Variants in GABRB1 observed in about 807,000 individuals in gnomAD.
GABRB1 encodes gamma-aminobutyric acid type A receptor subunit beta1.
GABRB1 carries 17 observed loss-of-function variants against 51.6 expected under a neutral mutation model. The observed-to-expected ratio is 0.33, with a 90% CI of 0.23 to 0.49. GABRB1 has a LOEUF of 0.49. Ranked by LOEUF, GABRB1 falls within the 20% of genes least tolerant of loss-of-function variation. The pLI is 0.99. For missense variants in GABRB1, 410 were observed against 600.6 expected (o/e 0.68, Z 3.32); for synonymous variants, 247 against 218.9 (o/e 1.13, Z -1.14).
chr4:47,370,466 G>A lies in GABRB1; in HGVS notation c.545-32852G>A, dbSNP rs180920572. On this transcript the variant is annotated intron_variant, in intron 5 of 8. Coordinates refer to ENST00000295454, the MANE Select transcript of GABRB1 (RefSeq NM_000812.4). ...CGCGCCACTGCATTCCAGCCTGGGC[G>A]ACAGGACGAGACTCCATCTCAAAAA... is the stretch of plus-strand genomic sequence containing the variant. Among the ~76,000 whole-genome samples, 254 of 145,104 alleles carry A rather than the reference G, an allele frequency of 1.8e-3. 2 individuals are homozygous for A. Among genetic ancestry groups the A allele is most frequent in the African/African-American group, 2.4e-3 (92 of 38,352 alleles).
chr4:47,312,569 T>C (rs1456066270), intron 4 of GABRB1, among the ~76,000 whole-genome samples: 2 of 152,238 alleles, frequency 1.3e-5, no homozygotes, highest in Non-Finnish European at 2.9e-5. Context: ...TGAGTGATAC[T>C]GATATCAATC....
intron 3 of GABRB1, among the ~76,000 whole-genome samples, chr4:47,060,993 A>G (rs1726825584): frequency 6.6e-6 from 1 of 152,256 alleles, no homozygotes; most frequent in African/African-American, 2.4e-5. Context: ...TACAATAAAC[A>G]TATTTAATCT....
At chr4:47,345,603 T>C (rs1726062340) in intron 5 of GABRB1, among the ~76,000 whole-genome samples, 1 of 152,166 alleles carries the variant, frequency 6.6e-6, no homozygotes, top group Non-Finnish European at 1.5e-5. Context: ...AGTAATAAGA[T>C]ACAAAAGACC....
chr4:47,020,921 T>A (rs1022928165), intron 1 of GABRB1, among the ~76,000 whole-genome samples: 3 of 152,226 alleles, frequency 2.0e-5, no homozygotes, highest in African/African-American at 7.2e-5. Context: ...CTAGTCACAC[T>A]GGCCTCCTTA....
intron 3 of GABRB1, among the ~76,000 whole-genome samples, chr4:47,130,574 C>A (rs991903332): frequency 6.6e-6 from 1 of 152,054 alleles, no homozygotes; most frequent in African/African-American, 2.4e-5. Flanking sequence ...TTGCCTCCCC[C>A]CAGATTAGGA....
intron 3 of GABRB1, among the ~76,000 whole-genome samples, chr4:47,102,234 A>ATTTAAAATGAAGAATAATATTTTGC (rs1714754522): frequency 6.6e-6 from 1 of 151,972 alleles, no homozygotes; most frequent in African/African-American, 2.4e-5. Context: ...TTAAGTTGTG[A>ATTTAAAATGAAGAATAATATTTTGC]TTTAAAATGA....
intron 1 of GABRB1, among the ~76,000 whole-genome samples, chr4:47,019,093 C>T (rs1345916744): frequency 6.6e-6 from 1 of 152,138 alleles, no homozygotes; most frequent in Non-Finnish European, 1.5e-5. Context: ...CCTCAAAACT[C>T]AAGACCTCAA....
intron 4 of GABRB1, among the ~76,000 whole-genome samples, chr4:47,310,027 C>T (rs1434045881): frequency 6.6e-6 from 1 of 152,158 alleles, no homozygotes; most frequent in Non-Finnish European, 1.5e-5. Context: ...CCACCTGCAT[C>T]ATACCTGCAT....
chr4:47,206,240 C>T (rs1720115102), intron 4 of GABRB1, among the ~76,000 whole-genome samples: 1 of 151,948 alleles, frequency 6.6e-6, no homozygotes, highest in Non-Finnish European at 1.5e-5. Context: ...ATGCTTGTTG[C>T]TACGTTTTTA....
intron 4 of GABRB1, among the ~76,000 whole-genome samples, chr4:47,286,172 T>C (rs188391114): frequency 2.1e-4 from 32 of 152,322 alleles, no homozygotes; most frequent in African/African-American, 6.3e-4. Flanking sequence ...GTCTTTCTGC[T>C]TTAATGGTTT....
At chr4:47,358,779 T>A (rs1053772247) in intron 5 of GABRB1, among the ~76,000 whole-genome samples, 1 of 152,176 alleles carries the variant, frequency 6.6e-6, no homozygotes. Context: ...CAGTAGTAAT[T>A]TCAATGAACC....
chr4:47,213,514 G>A (rs188505316), intron 4 of GABRB1, among the ~76,000 whole-genome samples: 2 of 147,866 alleles, frequency 1.4e-5, no homozygotes, highest in Admixed American at 6.8e-5. Flanking sequence ...CCCCCTCCTC[G>A]TTTCCCTCTC....
intron 3 of GABRB1, among the ~76,000 whole-genome samples, chr4:47,067,437 T>C (rs568724607): frequency 3.0e-4 from 45 of 152,330 alleles, no homozygotes; most frequent in African/African-American, 1.0e-3. Context: ...CTTCTTCCAA[T>C]AGAAGGCTGT....
At chr4:47,228,431 A>G (rs1388513092) in intron 4 of GABRB1, among the ~76,000 whole-genome samples, 1 of 152,140 alleles carries the variant, frequency 6.6e-6, no homozygotes. Flanking sequence ...TTGAAAGAAA[A>G]AAAAATGCTT....
intron 3 of GABRB1, among the ~76,000 whole-genome samples, chr4:47,105,233 T>TC (rs1231758663): frequency 6.6e-6 from 1 of 152,114 alleles, no homozygotes; most frequent in Admixed American, 6.6e-5. Context: ...AGAGGGTTTT[T>TC]CTCAATGATT....
intron 4 of GABRB1, among the ~76,000 whole-genome samples, chr4:47,241,427 A>G (rs554459732): frequency 2.0e-5 from 3 of 152,102 alleles, no homozygotes; most frequent in East Asian, 1.9e-4. Flanking sequence ...AAGACCACAA[A>G]TGTGCTTTTC....
chr4:47,076,058 A>G (rs567285993), intron 3 of GABRB1, among the ~76,000 whole-genome samples: 1 of 152,144 alleles, frequency 6.6e-6, no homozygotes, highest in Non-Finnish European at 1.5e-5. Flanking sequence ...AACTTGCCCT[A>G]ATCTGCACTC....
chr4:47,136,145 C>T (rs1297414325), intron 3 of GABRB1, among the ~76,000 whole-genome samples: 1 of 152,096 alleles, frequency 6.6e-6, no homozygotes, highest in Non-Finnish European at 1.5e-5. Flanking sequence ...CATGTGCCAC[C>T]ACTCTCAGCT....
At chr4:47,179,863 T>C (rs1260103627) in intron 4 of GABRB1, among the ~76,000 whole-genome samples, 1 of 152,118 alleles carries the variant, frequency 6.6e-6, no homozygotes, top group Non-Finnish European at 1.5e-5. Context: ...TTAACTCTAT[T>C]AGTGAAATTA....
Sources: gnomAD v4.1 joint callset for allele counts (sites outside exome capture counted in the v4.1 genomes callset) on GRCh38, gnomAD v4.1.1 for gene constraint, MANE v1.5 for transcripts, NCBI Gene and HGNC (gene_info 2026-07-23, HGNC 2026-07-21) for gene names.